JAZF1: variants seen among roughly 807,000 people sequenced by gnomAD.
JAZF1 encodes the protein juxtaposed with another zinc finger protein 1.
A neutral mutation model predicts 26.4 loss-of-function variants in JAZF1; 8 were observed. That is an observed-to-expected ratio of 0.30 (90% CI 0.18 to 0.55). The LOEUF is 0.55. Ranked by LOEUF, JAZF1 falls within the 20% of genes least tolerant of loss-of-function variation. The pLI, the probability that JAZF1 is intolerant of heterozygous loss-of-function variation, is 0.94. For missense variants in JAZF1, 199 were observed against 322.0 expected, an observed-to-expected ratio of 0.62 and a Z score of 2.92; for synonymous variants, 126 against 122.3, an observed-to-expected ratio of 1.03 and a Z score of -0.20.
intron 2 of JAZF1, among the ~76,000 whole-genome samples, chr7:27,982,558 T>C (rs1184709659): frequency 1.3e-5 from 2 of 152,160 alleles, no homozygotes; most frequent in South Asian, 2.1e-4. Flanking sequence ...AGCAAAAACT[T>C]CTGCAGACTT....
At chr7:27,920,295 T>C (rs1323099496) in intron 2 of JAZF1, among the ~76,000 whole-genome samples, 2 of 152,182 alleles carry the variant, frequency 1.3e-5, no homozygotes, top group Non-Finnish European at 2.9e-5. Context: ...GAGTGATCGA[T>C]TTGTTCTTGA....
chr7:27,869,494 G>C (rs570788056), intron 3 of JAZF1, among the ~76,000 whole-genome samples: 34 of 152,286 alleles, frequency 2.2e-4, no homozygotes, highest in African/African-American at 7.9e-4. Flanking sequence ...AACATCTGCA[G>C]CATCAGCTGT....
intron 1 of JAZF1, among the ~76,000 whole-genome samples, chr7:28,160,374 T>C (rs79256728): frequency 0.022 from 3,316 of 152,208 alleles, 135 homozygotes; most frequent in African/African-American, 0.075. Context: ...ATACTTTTGT[T>C]TCTTTGTTGT....
At chr7:27,917,353 T>A (rs1032690219) in intron 2 of JAZF1, among the ~76,000 whole-genome samples, 1 of 152,124 alleles carries the variant, frequency 6.6e-6, no homozygotes, top group East Asian at 1.9e-4. Flanking sequence ...TCTCCTCAGG[T>A]TTCACTGGCT....
intron 2 of JAZF1, among the ~76,000 whole-genome samples, chr7:27,943,327 T>C (rs1784877048): frequency 1.3e-5 from 2 of 152,132 alleles, no homozygotes; most frequent in African/African-American, 2.4e-5. Context: ...CAGGTTGTGA[T>C]AAGGCTCAGG....
Position 27,960,158 on chromosome 7 carries a change from C to T in JAZF1, c.188+31751G>A, listed in dbSNP as rs73683908. 7.2e-3 allele frequency among the ~76,000 whole-genome samples: 1,093 copies of T among 152,346 alleles called. 11 individuals are homozygous for T. The highest frequency in any genetic ancestry group is 0.025 in the African/African-American group (1,031 of 41,572). On this transcript the variant is annotated intron_variant, in intron 2 of 4. Transcript: ENST00000283928. ...TAAGAGAAAAACGCAAACTTCAGAA[C>T]ATGAAATCTTCCCAGTTAGACTTGT...
chr7:27,975,686 A>T (rs1455413834), intron 2 of JAZF1, among the ~76,000 whole-genome samples: 1 of 152,216 alleles, frequency 6.6e-6, no homozygotes, highest in Non-Finnish European at 1.5e-5. Context: ...TTATCACTGA[A>T]TTTCTACTGA....
intron 1 of JAZF1, among the ~76,000 whole-genome samples, chr7:28,156,687 G>A (rs2127950216): frequency 6.6e-6 from 1 of 152,276 alleles, no homozygotes; most frequent in African/African-American, 2.4e-5. Context: ...TGGGGCAAGA[G>A]GACACAGTGT....
rs1456102458 is a variant in JAZF1, at chr7:28,180,085, T to TCCCGCCG, written c.115+371_115+377dup. Among the ~76,000 whole-genome samples the TCCCGCCG allele has an allele frequency of 2.6e-3, 361 of 138,664 alleles. 2 individuals carry two copies. The highest frequency in any genetic ancestry group is 9.1e-3 in the African/African-American group (339 of 37,398). The allele number at this position is 138,664 out of a possible 152,430, so 91.0% of individuals were successfully genotyped here. Reference sequence around the variant, plus strand: ...TCCGCGACCCTGCCCAGCGCCCAGCTCCCGCCGCCCGCCGCGCCCTCCGCC... The same window carrying TCCCGCCG: ...TCCGCGACCCTGCCCAGCGCCCAGCTCCCGCCGCCCGCCGCCCGCCGCGCCCTCCGCC... On this transcript the variant is annotated intron_variant, in intron 1 of 4. Transcript: ENST00000283928.
chr7:27,949,711 C>T (rs184519383), intron 2 of JAZF1, among the ~76,000 whole-genome samples: 18 of 152,192 alleles, frequency 1.2e-4, no homozygotes, highest in Middle Eastern at 3.4e-3. Flanking sequence ...TGCAATGAGC[C>T]GAAATTGTGC....
intron 2 of JAZF1, among the ~76,000 whole-genome samples, chr7:27,988,805 G>T (rs1013179779): frequency 1.3e-5 from 2 of 150,724 alleles, no homozygotes; most frequent in Non-Finnish European, 2.9e-5. Flanking sequence ...AAAATACATG[G>T]AACACGCATG....
chr7:28,080,883 T>A (rs1784124857), intron 1 of JAZF1, among the ~76,000 whole-genome samples: 1 of 146,700 alleles, frequency 6.8e-6, no homozygotes, highest in Non-Finnish European at 1.5e-5. Flanking sequence ...CACAGAGACA[T>A]AAAGCAAGCA....
chr7:28,021,606 T>C (rs547138852), intron 1 of JAZF1, among the ~76,000 whole-genome samples: 11 of 152,220 alleles, frequency 7.2e-5, no homozygotes, highest in East Asian at 1.9e-4. Context: ...AGTGTGGACG[T>C]AGGACAAACA....
intron 1 of JAZF1, among the ~76,000 whole-genome samples, chr7:28,077,559 G>C (rs1784071364): frequency 6.7e-6 from 1 of 149,978 alleles, no homozygotes; most frequent in South Asian, 2.1e-4. Context: ...TTAATTACCT[G>C]ATAGAACCAC....
intron 3 of JAZF1, among the ~76,000 whole-genome samples, chr7:27,849,909 C>G (rs1783112035): frequency 6.6e-6 from 1 of 152,190 alleles, no homozygotes; most frequent in Non-Finnish European, 1.5e-5. Context: ...CTCCTCGAAC[C>G]TCTGCCCGCA....
chr7:28,070,575 C>T (rs1006314092), intron 1 of JAZF1, among the ~76,000 whole-genome samples: 6 of 152,214 alleles, frequency 3.9e-5, no homozygotes, highest in Admixed American at 2.0e-4. Flanking sequence ...TGTCCGGCTC[C>T]GGGCAGGCTG....
intron 1 of JAZF1, among the ~76,000 whole-genome samples, chr7:28,005,569 A>G (rs1365373113): frequency 6.6e-6 from 1 of 152,188 alleles, no homozygotes; most frequent in African/African-American, 2.4e-5. Context: ...GGCTGGCTAG[A>G]GCATTATGCC....
At position 27,876,775 on chromosome 7, in the gene JAZF1, G is replaced by C. The variant is rs73685831; in HGVS notation, c.385+18445C>G. On this transcript the variant is annotated intron_variant, in intron 3 of 4. Transcript: ENST00000283928. ...GATTCAAATAAAGCAGAAATCATGA[G>C]CTGAGTGTCCTTCCTCAGAGGATGG... Among the ~76,000 whole-genome samples the C allele has an allele frequency of 8.7e-3, 1,332 of 152,280 alleles. 23 individuals are homozygous for C. Among genetic ancestry groups the C allele is most frequent in the African/African-American group, 0.031 (1,276 of 41,540 alleles).
intron 1 of JAZF1, among the ~76,000 whole-genome samples, chr7:28,133,339 C>A (rs758790072): frequency 2.0e-4 from 31 of 152,156 alleles, no homozygotes; most frequent in Non-Finnish European, 4.4e-4. Flanking sequence ...TGGAGTGCTA[C>A]AGGGATATGA....
Sources: gnomAD v4.1 joint callset for allele counts (sites outside exome capture counted in the v4.1 genomes callset) on GRCh38, gnomAD v4.1.1 for gene constraint, MANE v1.5 for transcripts, NCBI Gene and HGNC (gene_info 2026-07-23, HGNC 2026-07-21) for gene names.